NRG3: variants seen among roughly 807,000 people sequenced by gnomAD.
NRG3 encodes pro-neuregulin-3, membrane-bound isoform.
In NRG3, 31 loss-of-function variants were observed where a neutral mutation model predicts 66.9. The ratio of observed to expected loss-of-function variants is 0.46; its 90% CI spans 0.35 to 0.63. The LOEUF (loss-of-function observed/expected upper bound fraction) is 0.63, where lower values mean the gene tolerates loss of function less well. Ranked by LOEUF, NRG3 falls within the 20% of genes least tolerant of loss-of-function variation. The pLI is 0.00. For missense variants in NRG3, 910 were observed against 878.9 expected (o/e 1.04, Z -0.45); for synonymous variants, 393 against 359.4 (o/e 1.09, Z -1.06).
At chr10:82,634,711 G>T (rs563610050) in intron 2 of NRG3, among the ~76,000 whole-genome samples, 1 of 152,310 alleles carries the variant, frequency 6.6e-6, no homozygotes, top group African/African-American at 2.4e-5. Flanking sequence ...TTTGGGGAAA[G>T]TGTAAGGAAC....
intron 1 of NRG3, among the ~76,000 whole-genome samples, chr10:82,100,108 A>G (rs1425595454): frequency 6.6e-6 from 1 of 151,990 alleles, no homozygotes; most frequent in African/African-American, 2.4e-5. Context: ...TGTCACTTCC[A>G]GAATTTTTGC....
intron 3 of NRG3, among the ~76,000 whole-genome samples, chr10:82,852,627 C>T (rs1290630088): frequency 2.6e-5 from 4 of 152,052 alleles, no homozygotes; most frequent in African/African-American, 9.7e-5. Flanking sequence ...ACCTATAATA[C>T]GTAGACGGTA....
chr10:82,127,653 C>G (rs949047573), intron 1 of NRG3, among the ~76,000 whole-genome samples: 2 of 152,020 alleles, frequency 1.3e-5, no homozygotes, highest in African/African-American at 4.8e-5. Flanking sequence ...GCCACCCTTT[C>G]CTTCTTCCCA....
chr10:82,278,386 G>A (rs1374472558), intron 1 of NRG3, among the ~76,000 whole-genome samples: 1 of 151,996 alleles, frequency 6.6e-6, no homozygotes, highest in Non-Finnish European at 1.5e-5. Flanking sequence ...GAATGTTAGG[G>A]CTCCTATAGC....
chr10:82,586,958 A>G (rs1421534906), intron 2 of NRG3, among the ~76,000 whole-genome samples: 2 of 152,006 alleles, frequency 1.3e-5, no homozygotes, highest in African/African-American at 4.8e-5. Context: ...TCATGTTTTC[A>G]TGTTTTTTAA....
chr10:82,733,124 TA>T (rs1362530452), intron 2 of NRG3, among the ~76,000 whole-genome samples: 2 of 152,232 alleles, frequency 1.3e-5, no homozygotes, highest in Non-Finnish European at 2.9e-5. Flanking sequence ...GTTAAAACTT[TA>T]TGTCTAAAAT....
Position 82,466,740 on chromosome 10 carries a change from T to C in NRG3, c.953+107872T>C, listed in dbSNP as rs147354206. Among the ~76,000 whole-genome samples, 12 of 151,742 alleles carry C rather than the reference T, an allele frequency of 7.9e-5. 1 individual carries two copies. In the East Asian group the frequency reaches 2.3e-3, roughly 30 times the overall value. ...TTAGACAGACATGTGCTGCTGAGAA[T>C]AGGGTGAATGGAAGCAGAGTCTAGA... On this transcript the variant is annotated intron_variant, in intron 2 of 8. Transcript: ENST00000372141.
At chr10:82,554,665 G>A (rs999499271) in intron 2 of NRG3, among the ~76,000 whole-genome samples, 8 of 152,126 alleles carry the variant, frequency 5.3e-5, no homozygotes, top group Non-Finnish European at 1.2e-4. Context: ...GGGAGCTCAG[G>A]CATGTTCAGA....
chr10:82,343,622 G>A (rs887967546), intron 1 of NRG3, among the ~76,000 whole-genome samples: 5 of 152,050 alleles, frequency 3.3e-5, no homozygotes, highest in African/African-American at 4.8e-5. Flanking sequence ...TGGAGGCATC[G>A]CATATCTGTC....
At position 82,594,626 on chromosome 10, in the gene NRG3, T is replaced by C. The variant is rs1216641005; in HGVS notation, c.954-143951T>C. Among the ~76,000 whole-genome samples, 9 of 152,344 alleles carry C rather than the reference T, an allele frequency of 5.9e-5. No homozygotes were observed. In the East Asian group the frequency reaches 1.3e-3, roughly 23 times the overall value. On this transcript the variant is annotated intron_variant, in intron 2 of 8. Coordinates refer to ENST00000372141, the MANE Select transcript of NRG3 (RefSeq NM_001010848.4). ...AATACTACCATTATGCTAATCTCTT[T>C]GAATACATTAGTTTATTGAATATTT...
intron 3 of NRG3, among the ~76,000 whole-genome samples, chr10:82,798,019 A>G (rs1006544116): frequency 6.6e-6 from 1 of 152,210 alleles, no homozygotes; most frequent in Non-Finnish European, 1.5e-5. Flanking sequence ...GGTTCAAGGT[A>G]TTATCCTCTA....
At position 82,915,862 on chromosome 10, in the gene NRG3, A is replaced by T. The variant is rs114268806; in HGVS notation, c.1055-35607A>T. Reference sequence around the variant, plus strand: ...TATACATGCATTTTCAGTTTCTCTCATATTTCAATTTCTGTGATCTTATAA... The same window carrying T: ...TATACATGCATTTTCAGTTTCTCTCTTATTTCAATTTCTGTGATCTTATAA... On this transcript the variant is annotated intron_variant, in intron 4 of 8. Coordinates refer to ENST00000372141, the MANE Select transcript of NRG3 (RefSeq NM_001010848.4). Among the ~76,000 whole-genome samples the T allele has an allele frequency of 5.0e-3, 763 of 152,262 alleles. 4 individuals are homozygous for T. The highest frequency in any genetic ancestry group is 0.018 in the African/African-American group (737 of 41,544).
intron 3 of NRG3, among the ~76,000 whole-genome samples, chr10:82,788,849 T>A (rs11195968): frequency 4.8e-4 from 73 of 152,140 alleles, no homozygotes; most frequent in Non-Finnish European, 9.8e-4. Context: ...GGGTAACGTA[T>A]TAAATATTCA....
At chr10:82,075,246 A>C (rs1451711252) in intron 1 of NRG3, among the ~76,000 whole-genome samples, 1 of 152,158 alleles carries the variant, frequency 6.6e-6, no homozygotes, top group Admixed American at 6.6e-5. Context: ...TCCAGGTATT[A>C]TAACTTTGTT....
At chr10:82,024,459 C>T (rs1029252003) in intron 1 of NRG3, among the ~76,000 whole-genome samples, 2 of 151,554 alleles carry the variant, frequency 1.3e-5, no homozygotes, top group Non-Finnish European at 2.9e-5. Context: ...TTTCTTTTTC[C>T]TTTATTTCAC....
At chr10:82,147,616 TG>T (rs2070353619) in intron 1 of NRG3, among the ~76,000 whole-genome samples, 1 of 152,248 alleles carries the variant, frequency 6.6e-6, no homozygotes, top group Admixed American at 6.5e-5. Flanking sequence ...CAGCCTGAGC[TG>T]CCCAATGTGC....
At chr10:82,275,234 C>A (rs904983020) in intron 1 of NRG3, among the ~76,000 whole-genome samples, 9 of 151,894 alleles carry the variant, frequency 5.9e-5, no homozygotes, top group African/African-American at 2.2e-4. Flanking sequence ...GCTCAGTCTA[C>A]CATCTTGAAT....
At chr10:82,785,772 G>A (rs2060334683) in intron 3 of NRG3, among the ~76,000 whole-genome samples, 1 of 152,114 alleles carries the variant, frequency 6.6e-6, no homozygotes, top group East Asian at 1.9e-4. Context: ...AATTAAAAAG[G>A]AAACAGAATG....
chr10:82,672,496 T>A (rs1419600260), intron 2 of NRG3, among the ~76,000 whole-genome samples: 1 of 152,136 alleles, frequency 6.6e-6, no homozygotes, highest in Non-Finnish European at 1.5e-5. Flanking sequence ...AATGTCAATG[T>A]GGAGAGTAGT....
Sources: allele counts gnomAD v4.1 joint callset (sites outside exome capture counted in the v4.1 genomes callset), GRCh38; gene constraint gnomAD v4.1.1; transcripts MANE v1.5; gene names NCBI Gene and HGNC (gene_info 2026-07-23, HGNC 2026-07-21).